Variants in EMP2 observed in about 807,000 individuals in gnomAD.
The protein encoded by EMP2 is epithelial membrane protein 2.
In EMP2, 19 loss-of-function variants were observed where a neutral mutation model predicts 13.7. The observed-to-expected ratio is 1.38, with a 90% CI of 0.97 to 2.03. The LOEUF (loss-of-function observed/expected upper bound fraction) is 2.03, where lower values mean the gene tolerates loss of function less well. EMP2 is among the 30% of genes most tolerant of loss of function. The pLI is 0.00. For synonymous variants in EMP2, 97 were observed against 84.7 expected, an observed-to-expected ratio of 1.15 and a Z score of -0.80; for missense variants, 253 against 220.7, an observed-to-expected ratio of 1.15 and a Z score of -0.93.
chr16:10,551,076 A>G (rs1190755127), intron 1 of EMP2, among the ~76,000 whole-genome samples: 1 of 152,118 alleles, frequency 6.6e-6, no homozygotes, highest in Non-Finnish European at 1.5e-5. Flanking sequence ...TATATCCATC[A>G]CCACTATCCA....
At chr16:10,571,129 C>T (rs1340247832) in intron 1 of EMP2, among the ~76,000 whole-genome samples, 1 of 151,618 alleles carries the variant, frequency 6.6e-6, no homozygotes, top group Non-Finnish European at 1.5e-5. Context: ...TGGTGGTGTG[C>T]ACCTGTAGTC....
At position 10,547,656 on chromosome 16, in the gene EMP2, T is replaced by C; in HGVS notation, c.-39A>G. On this transcript the variant is annotated 5_prime_UTR_variant, in exon 2 of 5. Coordinates refer to ENST00000359543, the MANE Select transcript of EMP2 (RefSeq NM_001424.6). The stretch of plus-strand genomic sequence containing the variant: ...GGCGAGTCGAGGCGAGGGGTCACGT[T>C]TAAAGCCCAGAGCGGGATGTGCTGA... 6.2e-7 allele frequency: 1 copy of C among 1,605,864 alleles called. No homozygotes were observed. Among genetic ancestry groups the C allele is most frequent in the South Asian group, 1.1e-5 (1 of 90,672 alleles).
rs1352586075 is a variant in EMP2 at position 10,530,065 on chromosome 16, G to GCCACAT, written c.*2834_*2839dup. The GCCACAT allele has an allele frequency of 1.3e-5, 2 of 152,128 alleles. No individual in the cohort carries two copies. The highest frequency in any genetic ancestry group is 4.8e-5 in the African/African-American group (2 of 41,412). The allele number at this position is 152,128 out of a possible 1,614,324, so 9.4% of individuals were successfully genotyped here. ...CATCCTGTTAACCCTAGGGGTGTAAGCCACATTCTTGCCCACAATATGACT... is the reference window on the plus strand; with the variant it reads ...CATCCTGTTAACCCTAGGGGTGTAAGCCACATCCACATTCTTGCCCACAATATGACT... On this transcript the variant is annotated 3_prime_UTR_variant, in exon 5 of 5. Coordinates refer to ENST00000359543, the MANE Select transcript of EMP2 (RefSeq NM_001424.6).
intron 1 of EMP2, among the ~76,000 whole-genome samples, chr16:10,551,008 A>G (rs1286187445): frequency 6.6e-6 from 1 of 152,070 alleles, no homozygotes; most frequent in African/African-American, 2.4e-5. Context: ...GATATTTGAT[A>G]AAATACACAT....
At chr16:10,575,429 T>C (rs2050977764) in intron 1 of EMP2, among the ~76,000 whole-genome samples, 1 of 151,480 alleles carries the variant, frequency 6.6e-6, no homozygotes. Flanking sequence ...AATTTTTTTG[T>C]AATTTTAGTA....
At chr16:10,577,416 C>G (rs2050991099) in intron 1 of EMP2, among the ~76,000 whole-genome samples, 1 of 152,156 alleles carries the variant, frequency 6.6e-6, no homozygotes, top group South Asian at 2.1e-4. Flanking sequence ...TTAGACTCCC[C>G]CCTGGCCTGT....
intron 1 of EMP2, among the ~76,000 whole-genome samples, chr16:10,578,428 G>C (rs1409007390): frequency 6.6e-6 from 1 of 152,172 alleles, no homozygotes; most frequent in African/African-American, 2.4e-5. Flanking sequence ...GTGGAGAAGC[G>C]GGGGCGGTTT....
Position 10,532,758 on chromosome 16 carries a change from C to CTTTTGCTTTTTT in EMP2, c.*146_*147insAAAAAAGCAAAA, listed in dbSNP as rs2050614850. ...CTTTTGGATTTTTTTTTTCTTTTTT[C>CTTTTGCTTTTTT]TTTTTTTTTTTTTTTTTTTTTTTTT... On this transcript the variant is annotated 3_prime_UTR_variant, in exon 5 of 5. Transcript: ENST00000359543. 1 of 182,528 alleles carries CTTTTGCTTTTTT rather than the reference C, an allele frequency of 5.5e-6. No individual in the cohort carries two copies. The highest frequency in any genetic ancestry group is 4.2e-5 in the African/African-American group (1 of 23,710). 11.3% of individuals were successfully genotyped at this position (182,528 alleles called of 1,614,324 possible).
intron 4 of EMP2, among the ~76,000 whole-genome samples, chr16:10,533,582 C>A (rs1263964052): frequency 6.6e-6 from 1 of 152,102 alleles, no homozygotes; most frequent in Non-Finnish European, 1.5e-5. Context: ...TTTCTGTGGG[C>A]CATGGTCACA....
At chr16:10,576,822 G>A (rs972465839) in intron 1 of EMP2, 1 of 152,154 alleles carries the variant, frequency 6.6e-6, no homozygotes, top group African/African-American at 2.4e-5. Context: ...AAGGAGGGAG[G>A]GACTCATTTG....
chr16:10,538,493 G>C (rs577510952), intron 3 of EMP2, among the ~76,000 whole-genome samples: 1 of 152,164 alleles, frequency 6.6e-6, no homozygotes, highest in African/African-American at 2.4e-5. Flanking sequence ...ATGGACTCAG[G>C]GCTCATGGGA....
chr16:10,538,202 T>C (rs535473085), intron 3 of EMP2, 128 bp from the exon 4 acceptor site: 1 of 1,143,302 alleles, frequency 8.7e-7, no homozygotes, highest in African/African-American at 1.5e-5. Context: ...CAGGCGGTCG[T>C]CTACATGGTC....
rs1461634551 is a variant in EMP2, at chr16:10,533,098, A to C, written c.317-6T>G. On this transcript the variant is annotated splice_region_variant and splice_polypyrimidine_tract_variant and intron_variant, in intron 4 of 4. Coordinates refer to ENST00000359543, the MANE Select transcript of EMP2 (RefSeq NM_001424.6). ...CGCAATCATGACACACAGACCTGTC[A>C]GGAAGAAAGGTGAATTTTCAATAAA... 3.9e-6 allele frequency: 6 copies of C among 1,547,338 alleles called. No individual in the cohort carries two copies. The highest frequency in any genetic ancestry group is 5.3e-6 in the Non-Finnish European group (6 of 1,140,514).
chr16:10,541,989 G>C (rs1162121475), intron 3 of EMP2, among the ~76,000 whole-genome samples: 1 of 152,178 alleles, frequency 6.6e-6, no homozygotes, highest in African/African-American at 2.4e-5. Context: ...TTGTTACTGA[G>C]TGTGGTGAGA....
At chr16:10,549,715 G>GCGCACA (rs879352910) in intron 1 of EMP2, among the ~76,000 whole-genome samples, 47 of 80,736 alleles carry the variant, frequency 5.8e-4, no homozygotes, top group African/African-American at 2.2e-3. Context: ...ATTAATGCAC[G>GCGCACA]CACACACACA....
chr16:10,556,635 ACTC>A (rs1179148018), intron 1 of EMP2, among the ~76,000 whole-genome samples: 1 of 152,020 alleles, frequency 6.6e-6, no homozygotes, highest in South Asian at 2.1e-4. Context: ...TGAAAACGAG[ACTC>A]CTCATGACTA....
At position 10,531,752 on chromosome 16, in the gene EMP2, AATGAATGAATG is replaced by A. The variant is rs2050604815; in HGVS notation, c.*1142_*1152del. ...ATGCAAGTTATGATTTATGTTGATG[AATGAATGAATG>A]AATGAATGAATGAATGAATGAATGA... On this transcript the variant is annotated 3_prime_UTR_variant, in exon 5 of 5. Transcript: ENST00000359543. 8.5e-5 allele frequency: 1 copy of A among 11,810 alleles called. No individual in the cohort carries two copies. The highest frequency in any genetic ancestry group is 2.9e-4 in the African/African-American group (1 of 3,398). 0.7% of individuals were successfully genotyped at this position (11,810 alleles called of 1,614,324 possible). A position where few individuals can be genotyped will look rare whatever the true frequency, so the allele number is the denominator to read the frequency against.
At chr16:10,535,031 G>A (rs987070643) in intron 4 of EMP2, among the ~76,000 whole-genome samples, 14 of 152,184 alleles carry the variant, frequency 9.2e-5, no homozygotes, top group African/African-American at 3.4e-4. Context: ...CACCTCCCTG[G>A]AGCCGCTGCC....
At chr16:10,551,414 T>G (rs188321955) in intron 1 of EMP2, among the ~76,000 whole-genome samples, 1 of 152,212 alleles carries the variant, frequency 6.6e-6, no homozygotes, top group Non-Finnish European at 1.5e-5. Context: ...GATTTTCGTT[T>G]GTTTGTTTTT....
Sources: allele counts gnomAD v4.1 joint callset (sites outside exome capture counted in the v4.1 genomes callset), GRCh38; gene constraint gnomAD v4.1.1; transcripts MANE v1.5; gene names NCBI Gene and HGNC (gene_info 2026-07-23, HGNC 2026-07-21).